The following ARHGEF28 variants were observed in gnomAD, a reference collection of about 807,000 sequenced individuals.
The protein encoded by ARHGEF28 is Rho guanine nucleotide exchange factor 28.
A neutral mutation model predicts 206.6 loss-of-function variants in ARHGEF28; 152 were observed. That is an observed-to-expected ratio of 0.74 (90% CI 0.64 to 0.84). The LOEUF is 0.84. Among genes scored for constraint, ARHGEF28 ranks in the 40% least tolerant of loss-of-function variants. The pLI, the probability that ARHGEF28 is intolerant of heterozygous loss-of-function variation, is 0.00. For missense variants in ARHGEF28, 2,028 were observed against 2,073.2 expected (o/e 0.98, Z 0.42); for synonymous variants, 763 against 776.4 (o/e 0.98, Z 0.29).
rs751008202 is a variant in ARHGEF28 at position 73,840,749 on chromosome 5, A to G, written c.1416A>G (p.Leu472=). The change falls in exon 11 of 36, where the codon CTA becomes CTG. Residue 472 remains leucine (L), a synonymous_variant. Transcript: ENST00000513042. ...GATTTGAAAAGGAACAAAGTCATCT[A>G]AAGAAAAGAAGGTAAGAGTCTATAT... ...WHGFEKEQSH[L]KKRSSSLDAL... 1.2e-6 allele frequency: 2 copies of G among 1,608,462 alleles called. No individual in the cohort carries two copies. The highest frequency in any genetic ancestry group is 4.5e-5 in the East Asian group (2 of 44,798).
In ARHGEF28 at chr5:73,909,810, G is replaced by A. The variant is rs1389760786; in HGVS notation, c.4560G>A (p.Arg1520=). Residue 1520 remains arginine (R), a synonymous_variant, in exon 34 of 36, where the codon AGG becomes AGA. Transcript: ENST00000513042. ...GQRLVEREQA[R]MRAQQSLLGH... ...GCCTGGTGGAGAGGGAGCAGGCGAG[G>A]ATGCGGGCCCAGCAGAGCCTGCTGG... 1.3e-6 allele frequency: 2 copies of A among 1,538,764 alleles called. No homozygotes were observed. Among genetic ancestry groups the A allele is most frequent in the Non-Finnish European group, 1.7e-6 (2 of 1,151,198 alleles).
intron 1 of ARHGEF28, among the ~76,000 whole-genome samples, chr5:73,682,193 G>A (rs73762156): frequency 0.071 from 10,741 of 152,176 alleles, 505 homozygotes; most frequent in African/African-American, 0.13. Context: ...GCTGAGAAGG[G>A]CCCTGTTGTC....
At chr5:73,839,952 G>A (rs2112574247) in intron 10 of ARHGEF28, among the ~76,000 whole-genome samples, 1 of 152,170 alleles carries the variant, frequency 6.6e-6, no homozygotes, top group Middle Eastern at 3.4e-3. Context: ...TTCTCCTCAA[G>A]TATTTAAAAC....
chr5:73,911,055 T>G (rs976040560), intron 34 of ARHGEF28, among the ~76,000 whole-genome samples: 4 of 152,198 alleles, frequency 2.6e-5, no homozygotes, highest in Admixed American at 6.5e-5. Flanking sequence ...TGCCACTTTT[T>G]TTGTTGTTGT....
intron 4 of ARHGEF28, among the ~76,000 whole-genome samples, chr5:73,763,493 A>C (rs1031729552): frequency 6.6e-6 from 1 of 152,174 alleles, no homozygotes; most frequent in Non-Finnish European, 1.5e-5. Context: ...GCCATCTGCG[A>C]GGCATGATGA....
intron 9 of ARHGEF28, among the ~76,000 whole-genome samples, chr5:73,801,611 AG>A (rs1164385107): frequency 6.6e-6 from 1 of 152,018 alleles, no homozygotes; most frequent in Non-Finnish European, 1.5e-5. Flanking sequence ...GAAACATGGG[AG>A]GGGGGGACCT....
intron 35 of ARHGEF28, among the ~76,000 whole-genome samples, chr5:73,918,074 A>C (rs1301872083): frequency 6.6e-6 from 1 of 152,192 alleles, no homozygotes; most frequent in East Asian, 1.9e-4. Context: ...CCAGCTATGC[A>C]GATTTTGTTT....
intron 2 of ARHGEF28, among the ~76,000 whole-genome samples, chr5:73,698,621 C>T (rs1748370385): frequency 1.3e-5 from 2 of 151,894 alleles, no homozygotes; most frequent in Admixed American, 1.3e-4. Flanking sequence ...ATGGAGGAAA[C>T]TGGCTGCCCT....
intron 1 of ARHGEF28, among the ~76,000 whole-genome samples, chr5:73,641,324 A>T (rs954215190): frequency 6.6e-6 from 1 of 152,096 alleles, no homozygotes; most frequent in Non-Finnish European, 1.5e-5. Context: ...AGTCTCTTCT[A>T]ATCCTTCAAA....
intron 11 of ARHGEF28, among the ~76,000 whole-genome samples, chr5:73,844,587 T>G (rs1238249059): frequency 6.6e-6 from 1 of 150,980 alleles, no homozygotes; most frequent in Non-Finnish European, 1.5e-5. Flanking sequence ...AACAGGTTAA[T>G]TCAAAGTTTC....
intron 1 of ARHGEF28, among the ~76,000 whole-genome samples, chr5:73,656,505 G>T (rs1745210495): frequency 6.6e-6 from 1 of 151,964 alleles, no homozygotes; most frequent in Non-Finnish European, 1.5e-5. Context: ...AATCCTATTG[G>T]CTCTCCCTTC....
chr5:73,914,555 C>T (rs1183812197), intron 35 of ARHGEF28, among the ~76,000 whole-genome samples: 2 of 151,732 alleles, frequency 1.3e-5, no homozygotes, highest in Non-Finnish European at 2.9e-5. Context: ...CGCCATCACA[C>T]CTGGCTGATT....
chr5:73,723,647 G>A (rs187863698), intron 2 of ARHGEF28, among the ~76,000 whole-genome samples: 53 of 152,312 alleles, frequency 3.5e-4, no homozygotes, highest in Non-Finnish European at 6.8e-4. Context: ...AAAAAAACCA[G>A]TTCCCCCATT....
At chr5:73,701,794 C>T (rs748647757) in intron 2 of ARHGEF28, among the ~76,000 whole-genome samples, 1 of 152,136 alleles carries the variant, frequency 6.6e-6, no homozygotes, top group Non-Finnish European at 1.5e-5. Flanking sequence ...ATCGAGGGCT[C>T]ATTCTTTTTT....
intron 1 of ARHGEF28, among the ~76,000 whole-genome samples, chr5:73,639,325 C>A (rs993230431): frequency 1.3e-5 from 2 of 150,340 alleles, no homozygotes; most frequent in South Asian, 4.2e-4. Flanking sequence ...TTTTCTAAAT[C>A]AAAAAATTAT....
chr5:73,689,713 T>C (rs1747693716), intron 2 of ARHGEF28, among the ~76,000 whole-genome samples: 1 of 151,634 alleles, frequency 6.6e-6, no homozygotes, highest in Admixed American at 6.6e-5. Flanking sequence ...CATTCGTGCT[T>C]GAAAAGAAAC....
intron 9 of ARHGEF28, chr5:73,828,196 C>G (rs1012527876): frequency 6.6e-6 from 1 of 152,172 alleles, no homozygotes; most frequent in Non-Finnish European, 1.5e-5. Flanking sequence ...ATTTTCCTTT[C>G]ACGATCAGTC....
chr5:73,840,068 C>A (rs1016604625), intron 10 of ARHGEF28, among the ~76,000 whole-genome samples: 1 of 152,126 alleles, frequency 6.6e-6, no homozygotes, highest in African/African-American at 2.4e-5. Context: ...GTTGGTCTTC[C>A]TTTATGTGAA....
chr5:73,634,610 C>CT (rs1263558995), intron 1 of ARHGEF28, among the ~76,000 whole-genome samples: 2 of 152,190 alleles, frequency 1.3e-5, no homozygotes, highest in Non-Finnish European at 2.9e-5. Flanking sequence ...TATCGAATCC[C>CT]TCTGTCATTG....
Sources: gnomAD v4.1 joint callset for allele counts (sites outside exome capture counted in the v4.1 genomes callset) on GRCh38, gnomAD v4.1.1 for gene constraint, MANE v1.5 for transcripts, NCBI Gene and HGNC (gene_info 2026-07-23, HGNC 2026-07-21) for gene names.